Variants in SLCO3A1 observed in about 807,000 individuals in gnomAD.
The protein encoded by SLCO3A1 is solute carrier organic anion transporter family member 3A1, also known as PGE1 transporter.
A neutral mutation model predicts 63.1 loss-of-function variants in SLCO3A1; 27 were observed. The observed-to-expected ratio is 0.43, with a 90% confidence interval of 0.32 to 0.59. The LOEUF is 0.59. SLCO3A1 is among the 20% of genes least tolerant of loss of function. The pLI, the probability that SLCO3A1 is intolerant of heterozygous loss-of-function variation, is 0.09. For synonymous variants in SLCO3A1, 473 were observed against 409.9 expected (o/e 1.15, Z -1.86); for missense variants, 773 against 945.8 (o/e 0.82, Z 2.40).
In SLCO3A1 at chr15:91,970,654, A is replaced by G. The variant is rs146210011; in HGVS notation, c.646+54196A>G. ...CTTAAGTGGACCCATTTCTCCCATT[A>G]CTCCTTCAAACCTCTGGGTTTCCCC... is the stretch of plus-strand genomic sequence containing the variant. On this transcript the variant is annotated intron_variant, in intron 2 of 9. Transcript: ENST00000318445. Among the ~76,000 whole-genome samples the G allele has an allele frequency of 3.6e-4, 54 of 152,074 alleles. 1 individual carries two copies. In the East Asian group the frequency reaches 5.8e-3, roughly 16 times the overall value.
At chr15:91,858,046 T>G (rs1479243256) in intron 1 of SLCO3A1, among the ~76,000 whole-genome samples, 1 of 152,192 alleles carries the variant, frequency 6.6e-6, no homozygotes, top group East Asian at 1.9e-4. Flanking sequence ...ACACTTTTTC[T>G]TTCAGCCTGA....
At position 92,162,794 on chromosome 15, in the gene SLCO3A1, G is replaced by A; in HGVS notation, c.1792G>A (p.Asp598Asn). The change falls in exon 10 of 10, where the codon GAC (aspartate) becomes AAC (asparagine). Residue 598 changes from aspartate (D) to asparagine (N), a missense_variant. Asp to Asn is a conservative substitution (Grantham distance 23). Coordinates refer to ENST00000318445, the MANE Select transcript of SLCO3A1 (RefSeq NM_013272.4). ...PPPLIFGAGI[D>N]STCLFWSTFC... is the part of the protein sequence containing the mutation. ...ACCCCTCATCTTCGGGGCTGGCATC[G>A]ACTCCACCTGCCTGTTCTGGAGCAC... 2 of 1,613,954 alleles carry A rather than the reference G, an allele frequency of 1.2e-6. No individual in the cohort carries two copies. The highest frequency in any genetic ancestry group is 1.7e-6 in the Non-Finnish European group (2 of 1,179,984).
intron 2 of SLCO3A1, among the ~76,000 whole-genome samples, chr15:92,039,180 C>G (rs918892433): frequency 2.6e-5 from 4 of 152,192 alleles, no homozygotes; most frequent in African/African-American, 9.7e-5. Flanking sequence ...GCAAAGACTT[C>G]ATGACAAAAA....
chr15:91,930,592 T>A (rs752618194), intron 2 of SLCO3A1, among the ~76,000 whole-genome samples: 11 of 152,248 alleles, frequency 7.2e-5, no homozygotes, highest in Non-Finnish European at 1.0e-4. Flanking sequence ...TTTAATTGTC[T>A]ACATTTTATT....
intron 9 of SLCO3A1, among the ~76,000 whole-genome samples, chr15:92,153,824 A>G (rs778331918): frequency 2.0e-5 from 3 of 152,096 alleles, no homozygotes; most frequent in Non-Finnish European, 4.4e-5. Context: ...AGGTCCCAGC[A>G]TGTTTGGGGG....
chr15:92,109,600 G>A (rs905966332), intron 4 of SLCO3A1, among the ~76,000 whole-genome samples: 4 of 152,186 alleles, frequency 2.6e-5, no homozygotes, highest in Admixed American at 2.6e-4. Flanking sequence ...GCAATCAAAA[G>A]CTGAGCACTC....
chr15:91,985,337 G>T (rs918854196), intron 2 of SLCO3A1, among the ~76,000 whole-genome samples: 32 of 152,194 alleles, frequency 2.1e-4, no homozygotes, highest in African/African-American at 7.0e-4. Context: ...ACTCCATTCT[G>T]TGACAGCCCC....
rs901875847 is a variant in SLCO3A1 at position 91,854,104 on chromosome 15, A to G, written c.180+16A>G. On this transcript the variant is annotated intron_variant, in intron 1 of 9. Transcript: ENST00000318445. The surrounding 1 kb of genome is among the most constrained non-coding windows in gnomAD (Gnocchi z 6.4). Reference sequence around the variant, plus strand: ...CGCCTACCTGGTGAGTCCCCGAGCCAACTCCGCCGCGGGCCCCTTCCCCAG... The same window carrying G: ...CGCCTACCTGGTGAGTCCCCGAGCCGACTCCGCCGCGGGCCCCTTCCCCAG... The G allele has an allele frequency of 2.1e-5, 31 of 1,478,930 alleles. No homozygotes were observed. Among genetic ancestry groups the G allele is most frequent in the Non-Finnish European group, 2.5e-5 (28 of 1,108,418 alleles). The allele number at this position is 1,478,930 out of a possible 1,614,324, so 91.6% of individuals were successfully genotyped here.
chr15:92,105,658 C>T (rs2047659277), intron 4 of SLCO3A1, among the ~76,000 whole-genome samples: 5 of 152,152 alleles, frequency 3.3e-5, no homozygotes, highest in Admixed American at 2.0e-4. Flanking sequence ...TTAATGCACA[C>T]GACTCCTTGC....
At chr15:92,097,476 T>C (rs1242420080) in intron 3 of SLCO3A1, among the ~76,000 whole-genome samples, 1 of 152,184 alleles carries the variant, frequency 6.6e-6, no homozygotes, top group East Asian at 1.9e-4. Context: ...TGGAATGCTG[T>C]TCCCATCTTA....
At chr15:91,932,940 A>G (rs544153778) in intron 2 of SLCO3A1, among the ~76,000 whole-genome samples, 1 of 152,254 alleles carries the variant, frequency 6.6e-6, no homozygotes. Flanking sequence ...ATGCTTGGCC[A>G]TGGCCTTGGG....
chr15:92,025,467 CACT>C (rs1240717616), intron 2 of SLCO3A1, among the ~76,000 whole-genome samples: 6 of 152,084 alleles, frequency 3.9e-5, no homozygotes, highest in Admixed American at 3.9e-4. Flanking sequence ...CTGCTGCTAC[CACT>C]ACTACTACTG....
Position 92,126,042 on chromosome 15 carries a change from C to T in SLCO3A1, c.1175-19C>T. 1 of 1,610,182 alleles carries T rather than the reference C, an allele frequency of 6.2e-7. No homozygotes were observed. The highest frequency in any genetic ancestry group is 8.5e-7 in the Non-Finnish European group (1 of 1,176,690). On this transcript the variant is annotated intron_variant, in intron 5 of 9. Transcript: ENST00000318445. Reference sequence around the variant, plus strand: ...CCACCTTCCCTGTTCACAGCCCTGCCCCTCTATTTTCCTTCCAGGGATGAC... The same window carrying T: ...CCACCTTCCCTGTTCACAGCCCTGCTCCTCTATTTTCCTTCCAGGGATGAC...
intron 1 of SLCO3A1, among the ~76,000 whole-genome samples, chr15:91,861,442 G>C (rs553447879): frequency 9.2e-5 from 14 of 152,142 alleles, no homozygotes; most frequent in Non-Finnish European, 1.9e-4. Flanking sequence ...TTAGCAGCTC[G>C]ATTGTTTAGT....
intron 2 of SLCO3A1, among the ~76,000 whole-genome samples, chr15:91,970,567 G>A (rs1900822415): frequency 1.3e-5 from 2 of 152,200 alleles, no homozygotes; most frequent in Non-Finnish European, 2.9e-5. Context: ...GTAGGTAGGA[G>A]ACAAGTGGTA....
chr15:92,099,970 G>A (rs764498492), intron 3 of SLCO3A1, among the ~76,000 whole-genome samples: 16 of 151,958 alleles, frequency 1.1e-4, no homozygotes, highest in Non-Finnish European at 2.4e-4. Context: ...GGAGGCTGAC[G>A]CAGGAGAATT....
At chr15:92,079,649 T>C (rs2047319232) in intron 2 of SLCO3A1, among the ~76,000 whole-genome samples, 1 of 152,218 alleles carries the variant, frequency 6.6e-6, no homozygotes, top group South Asian at 2.1e-4. Flanking sequence ...CGGCCAGGGC[T>C]TCAACATGGA....
rs533328743 is a variant in SLCO3A1, at chr15:91,959,619, G to A, written c.646+43161G>A. Among the ~76,000 whole-genome samples, 4 of 149,242 alleles carry A rather than the reference G, an allele frequency of 2.7e-5. No individual in the cohort carries two copies. The South Asian group carries it at 8.5e-4, about 32-fold the overall frequency. On this transcript the variant is annotated intron_variant, in intron 2 of 9. Transcript: ENST00000318445. ...TGGTGGTGGGCACCTGTAATCCCAG[G>A]AAGCTGAGGCAGGAGAATCGCTTGA...
chr15:92,090,480 C>T (rs1051025762), intron 2 of SLCO3A1, among the ~76,000 whole-genome samples: 1 of 152,176 alleles, frequency 6.6e-6, no homozygotes, highest in African/African-American at 2.4e-5. Flanking sequence ...AACCCTTGTC[C>T]CCTTGTCCAG....
Sources: allele counts gnomAD v4.1 joint callset (sites outside exome capture counted in the v4.1 genomes callset), GRCh38; gene constraint gnomAD v4.1.1; non-coding constraint Gnocchi (gnomAD v3.1); transcripts MANE v1.5; gene names NCBI Gene and HGNC (gene_info 2026-07-23, HGNC 2026-07-21).